The following IFFO1 variants were observed in gnomAD, a reference collection of about 807,000 sequenced individuals.
IFFO1 encodes the protein non-homologous end joining factor IFFO1.
IFFO1 carries 42 observed loss-of-function variants against 59.6 expected under a neutral mutation model. That is an observed-to-expected ratio of 0.70 (90% CI 0.55 to 0.91). The LOEUF is 0.91. Ranked by LOEUF, IFFO1 falls within the 40% of genes least tolerant of loss-of-function variation. The pLI, the probability that IFFO1 is intolerant of heterozygous loss-of-function variation, is 0.00. For missense variants in IFFO1, 711 were observed against 793.2 expected (o/e 0.90, Z 1.24); for synonymous variants, 336 against 342.8 (o/e 0.98, Z 0.22).
chr12:6,547,878 C>T (rs993413436), intron 8 of IFFO1, among the ~76,000 whole-genome samples, 187 bp downstream of exon 8: 4 of 152,076 alleles, frequency 2.6e-5, no homozygotes, highest in Admixed American at 6.5e-5. Flanking sequence ...AGATTTGAAC[C>T]GATATCTGTC....
Position 6,555,809 on chromosome 12 carries a change from AT to A in IFFO1, c.220del (p.Ile74SerfsTer7), listed in dbSNP as rs1947421122. ...MALRNDLGSN[I>X]NVLKTLNLRF... The stretch of plus-strand genomic sequence containing the variant: ...GAGGTTCAGGGTCTTGAGCACGTTG[AT>A]GTTGGAGCCCAGGTCATTGCGGAGG... On this transcript the variant is annotated frameshift_variant, in exon 1 of 10. Coordinates refer to ENST00000619571, the MANE Select transcript of IFFO1 (RefSeq NM_001193457.2). LOFTEE classifies it high-confidence loss of function. The surrounding 1 kb of genome is among the most constrained non-coding windows in gnomAD (Gnocchi z 8.6). The A allele has an allele frequency of 6.2e-7, 1 of 1,612,126 alleles. No individual in the cohort carries two copies. Among genetic ancestry groups the A allele is most frequent in the Non-Finnish European group, 8.5e-7 (1 of 1,179,120 alleles).
Position 6,548,245 on chromosome 12 carries a change from G to A in IFFO1, c.1384-85C>T. On this transcript the variant is annotated intron_variant, in intron 7 of 9. Transcript: ENST00000619571. This position sits in a 1 kb window ranked among gnomAD's most constrained non-coding sequence, Gnocchi z 6.1. Reference sequence around the variant, plus strand: ...CAAAGGGCCAAGTCAGGGAGAGAGAGAGAGAGGAAGTCTGGTTAAAGAAAC... The same window carrying A: ...CAAAGGGCCAAGTCAGGGAGAGAGAAAGAGAGGAAGTCTGGTTAAAGAAAC... 1 of 1,360,638 alleles carries A rather than the reference G, an allele frequency of 7.3e-7. No homozygotes were observed. The highest frequency in any genetic ancestry group is 1.7e-5 in the Admixed American group (1 of 59,346). 84.3% of individuals were successfully genotyped at this position (1,360,638 alleles called of 1,614,324 possible). A position where few individuals can be genotyped will look rare whatever the true frequency, so the allele number is the denominator to read the frequency against.
rs190181218 is a variant in IFFO1 at position 6,548,708 on chromosome 12, G to C, written c.1222C>G (p.Leu408Val). The change falls in exon 6 of 10, where the codon CTC becomes GTC. Residue 408 changes from leucine (L) to valine (V), a missense_variant. Coordinates refer to ENST00000619571, the MANE Select transcript of IFFO1 (RefSeq NM_001193457.2). This position sits in a 1 kb window ranked among gnomAD's most constrained non-coding sequence, Gnocchi z 6.1. ...PDGDEEESTALSINEEMQRML... is the reference protein window; with the variant it reads ...PDGDEEESTAVSINEEMQRML... ...CGCTGCATCTCCTCGTTGATGCTGA[G>C]GGCTGTGCTCTCCTCCTCATCCCCA... is the stretch of plus-strand genomic sequence containing the variant. 5.0e-6 allele frequency: 8 copies of C among 1,614,090 alleles called. No individual in the cohort carries two copies. The Admixed American group carries it at 1.3e-4, about 27-fold the overall frequency.
At chr12:6,553,845 G>A (rs1565577343) in intron 1 of IFFO1, among the ~76,000 whole-genome samples, 1 of 152,072 alleles carries the variant, frequency 6.6e-6, no homozygotes, top group South Asian at 2.1e-4. Flanking sequence ...TTATTGAAAT[G>A]GGCATACTGA....
chr12:6,550,986 G>A lies in IFFO1; in HGVS notation c.789C>T (p.Tyr263=). 1.9e-6 allele frequency: 3 copies of A among 1,614,142 alleles called. No individual in the cohort carries two copies. Among genetic ancestry groups the A allele is most frequent in the Middle Eastern group, 3.3e-4 (2 of 6,062 alleles). Residue 263 remains tyrosine, a synonymous_variant, in exon 2 of 10, where the codon TAC becomes TAT. Transcript: ENST00000619571. ...GGTCTTGCAGCTGGATCCGCACCGT[G>A]TACTCCTCTTCCCACCTGACAGACA... ...DEYKRRWEEE[Y]TVRIQLQDRV...
intron 8 of IFFO1, among the ~76,000 whole-genome samples, chr12:6,545,656 C>T (rs1592207443): frequency 6.6e-6 from 1 of 151,144 alleles, no homozygotes; most frequent in African/African-American, 2.4e-5. Context: ...CGAGTTCAAG[C>T]CACTGCACTC....
chr12:6,555,479 G>C lies in IFFO1; in HGVS notation c.551C>G (p.Thr184Ser). Residue 184 changes from threonine to serine, a missense_variant, in exon 1 of 10, where the codon ACC (threonine) becomes AGC (serine). Thr to Ser is a moderately conservative substitution (Grantham distance 58). Around this residue, in one of 3 missense-constraint regions of IFFO1, gnomAD observed 579 missense variants for 650.3 expected, o/e 0.89. Coordinates refer to ENST00000619571, the MANE Select transcript of IFFO1 (RefSeq NM_001193457.2). This position sits in a 1 kb window ranked among gnomAD's most constrained non-coding sequence, Gnocchi z 8.6. ...CATGAAGCGGGCCGACGAGGAATAG[G>C]TGGTGGAGGTGGAGGTGGAGGACGA... ...LSSSSTSTSTTYSSSARFMPG... is the reference protein window; with the variant it reads ...LSSSSTSTSTSYSSSARFMPG... 6.2e-7 allele frequency: 1 copy of C among 1,611,170 alleles called. No individual in the cohort carries two copies. Among genetic ancestry groups the C allele is most frequent in the African/African-American group, 1.3e-5 (1 of 74,930 alleles).
intron 8 of IFFO1, among the ~76,000 whole-genome samples, chr12:6,545,193 C>A (rs888112064): frequency 6.6e-6 from 1 of 150,654 alleles, no homozygotes; most frequent in Non-Finnish European, 1.5e-5. Flanking sequence ...CCAGCCTGGG[C>A]GACACAGCGA....
Position 6,549,559 on chromosome 12 carries a change from A to ACCCC in IFFO1, c.1072-76_1072-75insGGGG. On this transcript the variant is annotated intron_variant, in intron 4 of 9. Coordinates refer to ENST00000619571, the MANE Select transcript of IFFO1 (RefSeq NM_001193457.2). The surrounding 1 kb of genome is among the most constrained non-coding windows in gnomAD (Gnocchi z 5.0). Reference sequence around the variant, plus strand: ...GACAGAGGAGAGAGAGGGGGAAGGGAGAGACGGCGTTAGAGACAGCTTCCA... The same window carrying ACCCC: ...GACAGAGGAGAGAGAGGGGGAAGGGACCCCGAGACGGCGTTAGAGACAGCTTCCA... 7.3e-7 allele frequency: 1 copy of ACCCC among 1,374,374 alleles called. No individual in the cohort carries two copies. The highest frequency in any genetic ancestry group is 1.2e-5 in the South Asian group (1 of 85,622). 85.1% of individuals were successfully genotyped at this position (1,374,374 alleles called of 1,614,324 possible).
chr12:6,549,583 C>T lies in IFFO1; in HGVS notation c.1072-99G>A, dbSNP rs1947142746. ...GAGAGACGGCGTTAGAGACAGCTTCCACGATGCCCCTCCTGATGCTGCTCC... is the reference window on the plus strand; with the variant it reads ...GAGAGACGGCGTTAGAGACAGCTTCTACGATGCCCCTCCTGATGCTGCTCC... On this transcript the variant is annotated intron_variant, in intron 4 of 9. Transcript: ENST00000619571. This position sits in a 1 kb window ranked among gnomAD's most constrained non-coding sequence, Gnocchi z 5.0. 1 of 1,330,364 alleles carries T rather than the reference C, an allele frequency of 7.5e-7. No homozygotes were observed. The highest frequency in any genetic ancestry group is 1.1e-6 in the Non-Finnish European group (1 of 928,296). The allele number at this position is 1,330,364 out of a possible 1,614,324, so 82.4% of individuals were successfully genotyped here. A position where few individuals can be genotyped will look rare whatever the true frequency, so the allele number is the denominator to read the frequency against.
Position 6,549,628 on chromosome 12 carries a change from C to T in IFFO1, c.1071+128G>A, listed in dbSNP as rs1490372688. ...TGCTCCTTACCCCCCAGTCTAGCCCCGTGAGGGCCCCAGTTGCCAGGTAAG... is the reference window on the plus strand; with the variant it reads ...TGCTCCTTACCCCCCAGTCTAGCCCTGTGAGGGCCCCAGTTGCCAGGTAAG... On this transcript the variant is annotated intron_variant, in intron 4 of 9. Transcript: ENST00000619571. This position sits in a 1 kb window ranked among gnomAD's most constrained non-coding sequence, Gnocchi z 5.0. The T allele has an allele frequency of 5.7e-6, 8 of 1,407,624 alleles. No individual in the cohort carries two copies. The highest frequency in any genetic ancestry group is 7.9e-6 in the Non-Finnish European group (8 of 1,013,458). 87.2% of individuals were successfully genotyped at this position (1,407,624 alleles called of 1,614,324 possible). A position where few individuals can be genotyped will look rare whatever the true frequency, so the allele number is the denominator to read the frequency against.
Position 6,555,865 on chromosome 12 carries a change from C to T in IFFO1, c.165G>A (p.Gly55=), listed in dbSNP as rs1485551280. The change falls in exon 1 of 10, where the codon GGG becomes GGA. Residue 55 remains glycine (G), a synonymous_variant. Coordinates refer to ENST00000619571, the MANE Select transcript of IFFO1 (RefSeq NM_001193457.2). This position sits in a 1 kb window ranked among gnomAD's most constrained non-coding sequence, Gnocchi z 8.6. ...TGGCGGCAGGCGGGGCCGGGCCCGG[C>T]CCGGGCGGCGAGTAGGCAGCAGGGC... ...PAGPAAYSPP[G]PGPAPPAAMA... 1.2e-6 allele frequency: 2 copies of T among 1,605,728 alleles called. No homozygotes were observed. Among genetic ancestry groups the T allele is most frequent in the Non-Finnish European group, 8.5e-7 (1 of 1,177,688 alleles).
rs1947140854 is a variant in IFFO1, at chr12:6,549,547, GA to G, written c.1072-64del. The G allele has an allele frequency of 1.4e-6, 2 of 1,442,294 alleles. No homozygotes were observed. The highest frequency in any genetic ancestry group is 1.7e-5 in the Admixed American group (1 of 59,408). The allele number at this position is 1,442,294 out of a possible 1,614,324, so 89.3% of individuals were successfully genotyped here. The stretch of plus-strand genomic sequence containing the variant: ...GGAGAGGAAGCAGACAGAGGAGAGA[GA>G]GGGGGAAGGGAGAGACGGCGTTAGA... On this transcript the variant is annotated intron_variant, in intron 4 of 9. Transcript: ENST00000619571. The surrounding 1 kb of genome is among the most constrained non-coding windows in gnomAD (Gnocchi z 5.0).
At chr12:6,540,646 G>C (rs1946666234) in intron 9 of IFFO1, 58 bp from the exon 10 acceptor site, 1 of 1,399,680 alleles carries the variant, frequency 7.1e-7, no homozygotes, top group Non-Finnish European at 1.0e-6. Flanking sequence ...AAGACGGACG[G>C]CACTCCTCCT....
chr12:6,544,121 G>C (rs898490487), intron 8 of IFFO1, among the ~76,000 whole-genome samples: 3 of 151,640 alleles, frequency 2.0e-5, no homozygotes, highest in African/African-American at 4.8e-5. Flanking sequence ...GCTGCCTAAA[G>C]TCATTGCACT....
Position 6,555,987 on chromosome 12 carries a change from C to T in IFFO1, c.43G>A (p.Glu15Lys). ...FGPNLFLLQQ[E>K]QQGLAGPLGD... ...AGTGGCCCGGCCAGGCCCTGCTGCT[C>T]CTGCTGCAGGAGGAAGAGGTTGGGG... The change falls in exon 1 of 10, where the codon GAG (glutamate) becomes AAG (lysine). Residue 15 changes from glutamate (E) to lysine (K), a missense_variant. Transcript: ENST00000619571. The surrounding 1 kb of genome is among the most constrained non-coding windows in gnomAD (Gnocchi z 8.6). The T allele has an allele frequency of 3.8e-6, 6 of 1,576,098 alleles. No individual in the cohort carries two copies. Among genetic ancestry groups the T allele is most frequent in the Non-Finnish European group, 4.3e-6 (5 of 1,168,604 alleles).
In IFFO1 at chr12:6,548,156, T is replaced by A; in HGVS notation, c.1388A>T (p.Gln463Leu). 1 of 1,613,600 alleles carries A rather than the reference T, an allele frequency of 6.2e-7. No homozygotes were observed. Among genetic ancestry groups the A allele is most frequent in the Non-Finnish European group, 8.5e-7 (1 of 1,179,602 alleles). The change falls in exon 8 of 10, where the codon CAG (glutamine) becomes CTG (leucine). Residue 463 changes from glutamine (Q) to leucine (L), a missense_variant. By Grantham distance (113) the Gln-to-Leu change is moderately radical. Transcript: ENST00000619571. The surrounding 1 kb of genome is among the most constrained non-coding windows in gnomAD (Gnocchi z 6.1). ...MAAAEAQGEQ[Q>L]EDSLEKVIKD... ...AATCACCTTCTCCAGGCTATCTTCCTGCTGCTGGAGTAGAAAGGGAAGCGG... is the reference window on the plus strand; with the variant it reads ...AATCACCTTCTCCAGGCTATCTTCCAGCTGCTGGAGTAGAAAGGGAAGCGG...
chr12:6,549,474 A>G lies in IFFO1; in HGVS notation c.1080+2T>C. The G allele has an allele frequency of 6.2e-7, 1 of 1,613,480 alleles. No homozygotes were observed. Among genetic ancestry groups the G allele is most frequent in the Non-Finnish European group, 8.5e-7 (1 of 1,179,454 alleles). Reference sequence around the variant, plus strand: ...AATAAGCTTGCGTGAGATCAAACTAACCAGCTTCTTCTGTGGAGGAAGCAA... The same window carrying G: ...AATAAGCTTGCGTGAGATCAAACTAGCCAGCTTCTTCTGTGGAGGAAGCAA... On this transcript the variant is annotated splice_donor_variant, in intron 5 of 9. Coordinates refer to ENST00000619571, the MANE Select transcript of IFFO1 (RefSeq NM_001193457.2). LOFTEE classifies it high-confidence loss of function. This position sits in a 1 kb window ranked among gnomAD's most constrained non-coding sequence, Gnocchi z 5.0.
rs1592194836 is a variant in IFFO1 at position 6,540,190 on chromosome 12, G to C, written c.*293C>G. On this transcript the variant is annotated 3_prime_UTR_variant, in exon 10 of 10. Coordinates refer to ENST00000619571, the MANE Select transcript of IFFO1 (RefSeq NM_001193457.2). ...GTGGACAAGGTGAGGGGCCGCAATC[G>C]CTCTGGCAGCATTTTAAAGATGGGG... The C allele has an allele frequency of 2.0e-6, 1 of 505,464 alleles. No homozygotes were observed. Among genetic ancestry groups the C allele is most frequent in the East Asian group, 3.7e-5 (1 of 27,380 alleles). 31.3% of individuals were successfully genotyped at this position (505,464 alleles called of 1,614,324 possible). A position where few individuals can be genotyped will look rare whatever the true frequency, so the allele number is the denominator to read the frequency against.
Sources: gnomAD v4.1 joint callset for allele counts (sites outside exome capture counted in the v4.1 genomes callset) on GRCh38, gnomAD v4.1.1 for gene constraint, gnomAD v4.1.1 regional missense constraint, Gnocchi (gnomAD v3.1) non-coding constraint, MANE v1.5 for transcripts, NCBI Gene and HGNC (gene_info 2026-07-23, HGNC 2026-07-21) for gene names.